Variants in RFESD observed in about 807,000 individuals in gnomAD.
RFESD encodes Rieske domain-containing protein.
Under a neutral mutation model 24.4 loss-of-function variants are expected in RFESD, and 16 were observed. The ratio of observed to expected loss-of-function variants is 0.66; its 90% CI spans 0.44 to 1.00. RFESD has a LOEUF of 1.00. Ranked by LOEUF, RFESD falls within the 50% of genes least tolerant of loss-of-function variation. RFESD has a pLI of 0.00. For missense variants in RFESD, 208 were observed against 247.0 expected, an observed-to-expected ratio of 0.84 and a Z score of 1.06; for synonymous variants, 59 against 81.8, an observed-to-expected ratio of 0.72 and a Z score of 1.50.
Position 95,653,155 on chromosome 5 carries a change from T to C in RFESD, c.99T>C (p.Val33=). The C allele has an allele frequency of 6.4e-7, 1 of 1,551,752 alleles. No homozygotes were observed. Among genetic ancestry groups the C allele is most frequent in the Non-Finnish European group, 8.7e-7 (1 of 1,146,992 alleles). ...TCCCCAAGCTGTTGGCATGTCTAGT[T>C]CATTTGCATTTTGGGCATTTCAGCT... The part of the protein sequence containing the change: ...ILFPKLLACL[V]HLHFGHFSSA... Residue 33 remains valine (V), a synonymous_variant, in exon 3 of 6, where the codon GTT becomes GTC. Coordinates refer to ENST00000380005, the MANE Select transcript of RFESD (RefSeq NM_001131066.2).
intron 1 of RFESD, among the ~76,000 whole-genome samples, chr5:95,651,033 G>C (rs964262657): frequency 1.3e-4 from 20 of 148,932 alleles, no homozygotes; most frequent in Non-Finnish European, 2.4e-4. Flanking sequence ...AGGAGGTGGA[G>C]CTTGCAGTGA....
At position 95,651,681 on chromosome 5, in the gene RFESD, G is replaced by A. The variant is rs1305590166; in HGVS notation, c.-135-456G>A. Among the ~76,000 whole-genome samples, 3 of 152,328 alleles carry A rather than the reference G, an allele frequency of 2.0e-5. No homozygotes were observed. In the East Asian group the frequency reaches 5.8e-4, roughly 29 times the overall value. On this transcript the variant is annotated intron_variant, in intron 1 of 5. Coordinates refer to ENST00000380005, the MANE Select transcript of RFESD (RefSeq NM_001131066.2). ...CAAAGTGCTGGGATTACAGGTGTGA[G>A]CCACTGGCCTGAGTCATTATTTTGA...
intron 2 of RFESD, 51 bp from the exon 3 acceptor site, chr5:95,653,066 T>G (rs1485940060): frequency 1.9e-6 from 3 of 1,547,944 alleles, no homozygotes; most frequent in Non-Finnish European, 2.6e-6. Context: ...CTGGAACACA[T>G]TCACCAAGAC....
Position 95,656,409 on chromosome 5 carries a change from C to A in RFESD, c.*100C>A. 1.1e-6 allele frequency: 1 copy of A among 877,352 alleles called. No homozygotes were observed. Among genetic ancestry groups the A allele is most frequent in the Non-Finnish European group, 1.7e-6 (1 of 575,952 alleles). 54.3% of individuals were successfully genotyped at this position (877,352 alleles called of 1,614,324 possible). ...AGGTGATGAAATTTTTCAACATAGG[C>A]ACAACTGTTTAAAATTCACATACAT... On this transcript the variant is annotated 3_prime_UTR_variant, in exon 6 of 6. Transcript: ENST00000380005.
chr5:95,654,470 C>A (rs150550), intron 5 of RFESD, 103 bp downstream of exon 5: 2 of 780,032 alleles, frequency 2.6e-6, no homozygotes, highest in South Asian at 3.7e-5. Context: ...GAATATAATT[C>A]CAAGTATTCT....
chr5:95,652,462 A>C, intron 2 of RFESD, 131 bp downstream of exon 2: 1 of 1,155,844 alleles, frequency 8.7e-7, no homozygotes, highest in South Asian at 2.0e-5. Flanking sequence ...CCTTAAACTC[A>C]ATATGTGTAA....
chr5:95,648,118 G>C (rs1750179167), intron 1 of RFESD: 1 of 152,174 alleles, frequency 6.6e-6, no homozygotes, highest in South Asian at 2.1e-4. Context: ...CCCGTGTCTT[G>C]TGGAAATTTG....
At chr5:95,651,685 C>T (rs1231777970) in intron 1 of RFESD, among the ~76,000 whole-genome samples, 1 of 152,228 alleles carries the variant, frequency 6.6e-6, no homozygotes. Context: ...GTGTGAGCCA[C>T]TGGCCTGAGT....
chr5:95,652,395 T>G lies in RFESD; in HGVS notation c.60+64T>G, dbSNP rs189692949. On this transcript the variant is annotated intron_variant, in intron 2 of 5. Coordinates refer to ENST00000380005, the MANE Select transcript of RFESD (RefSeq NM_001131066.2). ...TTTTTCTCTCTAGAAATTCTCGACT[T>G]TAGTCTCATATATCTGGTTGTTGAC... is the stretch of plus-strand genomic sequence containing the variant. 28 of 1,534,230 alleles carry G rather than the reference T, an allele frequency of 1.8e-5. 1 individual carries two copies. In the Admixed American group the frequency reaches 3.2e-4, roughly 17 times the overall value.
chr5:95,649,047 T>C (rs1750212879), intron 1 of RFESD, among the ~76,000 whole-genome samples: 1 of 152,054 alleles, frequency 6.6e-6, no homozygotes, highest in Non-Finnish European at 1.5e-5. Flanking sequence ...AAAGGGCAAT[T>C]TTGTTCCATT....
Position 95,656,542 on chromosome 5 carries a change from A to G in RFESD, c.*233A>G, listed in dbSNP as rs1431858379. On this transcript the variant is annotated 3_prime_UTR_variant, in exon 6 of 6. Coordinates refer to ENST00000380005, the MANE Select transcript of RFESD (RefSeq NM_001131066.2). ...TGGATTAATTAGAAACCTGAAGGTTATAGGTTTGGGATGTTCTGTTTAAGA... is the reference window on the plus strand; with the variant it reads ...TGGATTAATTAGAAACCTGAAGGTTGTAGGTTTGGGATGTTCTGTTTAAGA... The G allele has an allele frequency of 7.3e-6, 3 of 408,704 alleles. No individual in the cohort carries two copies. The highest frequency in any genetic ancestry group is 1.3e-5 in the Non-Finnish European group (3 of 231,012). 25.3% of individuals were successfully genotyped at this position (408,704 alleles called of 1,614,324 possible).
Position 95,654,048 on chromosome 5 carries a change from T to G in RFESD, c.159-13T>G. The G allele has an allele frequency of 6.2e-7, 1 of 1,602,266 alleles. No homozygotes were observed. The highest frequency in any genetic ancestry group is 1.1e-5 in the South Asian group (1 of 88,836). On this transcript the variant is annotated splice_polypyrimidine_tract_variant and intron_variant, in intron 3 of 5. Transcript: ENST00000380005. ...AATACTTCTTGTAACTTTCCTTCTT[T>G]ATGTTCAACTAGCATGAATCTTGAT...
chr5:95,652,511 C>A, intron 2 of RFESD, 180 bp downstream of exon 2: 1 of 781,676 alleles, frequency 1.3e-6, no homozygotes, highest in African/African-American at 1.7e-5. Flanking sequence ...TGCAAAAATA[C>A]CATTCATTTC....
rs757351425 is a variant in RFESD at position 95,656,189 on chromosome 5, G to A, written c.513G>A (p.Arg171=). ...GGTGCTCCAAAGGAATAAAGCAAAG[G>A]ATTCACACAGTGACAGTAGACAACG... ...PKWCSKGIKQ[R]IHTVTVDNGN... is the part of the protein sequence containing the mutation. The change falls in exon 6 of 6, where the codon AGG becomes AGA. Residue 171 remains arginine, a synonymous_variant. Transcript: ENST00000380005. 3 of 1,613,866 alleles carry A rather than the reference G, an allele frequency of 1.9e-6. No homozygotes were observed. The highest frequency in any genetic ancestry group is 2.7e-5 in the African/African-American group (2 of 74,906).
rs1387485524 is a variant in RFESD at position 95,656,452 on chromosome 5, A to C, written c.*143A>C. ...ACATACATTTGAGAGGTTTAAGAGC[A>C]CACATACTTAGTATGATGTAAGGAT... On this transcript the variant is annotated 3_prime_UTR_variant, in exon 6 of 6. Coordinates refer to ENST00000380005, the MANE Select transcript of RFESD (RefSeq NM_001131066.2). 6.4e-6 allele frequency: 4 copies of C among 622,452 alleles called. No individual in the cohort carries two copies. The Admixed American group carries it at 1.2e-4, about 18-fold the overall frequency. The allele number at this position is 622,452 out of a possible 1,614,324, so 38.6% of individuals were successfully genotyped here.
At chr5:95,653,820 C>T (rs1750521155) in intron 3 of RFESD, among the ~76,000 whole-genome samples, 1 of 152,122 alleles carries the variant, frequency 6.6e-6, no homozygotes, top group African/African-American at 2.4e-5. Flanking sequence ...ATCCCTTGAA[C>T]CTGGGAGGCG....
chr5:95,653,306 G>A, intron 3 of RFESD, 92 bp downstream of exon 3: 1 of 1,510,244 alleles, frequency 6.6e-7, no homozygotes. Flanking sequence ...TGTACTCCAG[G>A]CAAAACCAAG....
chr5:95,651,669 T>C (rs1750348998), intron 1 of RFESD, among the ~76,000 whole-genome samples: 1 of 152,208 alleles, frequency 6.6e-6, no homozygotes, highest in Non-Finnish European at 1.5e-5. Context: ...AGTGCTGGGA[T>C]TACAGGTGTG....
intron 3 of RFESD, among the ~76,000 whole-genome samples, chr5:95,653,614 T>C (rs1290734958): frequency 6.6e-6 from 1 of 152,160 alleles, no homozygotes; most frequent in Non-Finnish European, 1.5e-5. Flanking sequence ...ATCCAGTATT[T>C]ATGGCCGGGC....
Sources: allele counts gnomAD v4.1 joint callset (sites outside exome capture counted in the v4.1 genomes callset), GRCh38; gene constraint gnomAD v4.1.1; transcripts MANE v1.5; gene names NCBI Gene and HGNC (gene_info 2026-07-23, HGNC 2026-07-21).